CSMD1: variants seen among roughly 807,000 people sequenced by gnomAD.
The protein encoded by CSMD1 is CUB and Sushi multiple domains 1.
CSMD1 carries 213 observed loss-of-function variants against 417.5 expected under a neutral mutation model. That is an observed-to-expected ratio of 0.51 (90% CI 0.46 to 0.57). The LOEUF is 0.57. Ranked by LOEUF, CSMD1 falls within the 20% of genes least tolerant of loss-of-function variation. The pLI is 0.00. For missense variants in CSMD1, 6,923 were observed against 4,529.7 expected, an observed-to-expected ratio of 1.53 and a Z score of -15.17; for synonymous variants, 2,862 against 1,736.8, an observed-to-expected ratio of 1.65 and a Z score of -16.11.
At chr8:4,461,874 C>A (rs935277817) in intron 2 of CSMD1, among the ~76,000 whole-genome samples, 1 of 151,288 alleles carries the variant, frequency 6.6e-6, no homozygotes, top group African/African-American at 2.4e-5. Context: ...CCGAGTAGCT[C>A]GGACTACAGG....
At chr8:3,699,957 A>T (rs184760774) in intron 7 of CSMD1, among the ~76,000 whole-genome samples, 37 of 127,312 alleles carry the variant, frequency 2.9e-4, no homozygotes, top group Admixed American at 2.5e-3. Flanking sequence ...GTTATATCCC[A>T]TAACTACATC....
chr8:3,699,285 A>C (rs891164224), intron 7 of CSMD1, among the ~76,000 whole-genome samples: 1 of 152,194 alleles, frequency 6.6e-6, no homozygotes, highest in Non-Finnish European at 1.5e-5. Flanking sequence ...AATTTCTCAT[A>C]ATTTTCCTGT....
At chr8:4,344,839 T>A (rs982948299) in intron 3 of CSMD1, among the ~76,000 whole-genome samples, 4 of 152,162 alleles carry the variant, frequency 2.6e-5, no homozygotes, top group East Asian at 3.9e-4. Flanking sequence ...AAAAAGGATC[T>A]TTGAGAACCT....
At chr8:3,547,447 C>T (rs10105051) in intron 10 of CSMD1, among the ~76,000 whole-genome samples, 5 of 151,928 alleles carry the variant, frequency 3.3e-5, no homozygotes, top group Admixed American at 6.5e-5. Flanking sequence ...GATGTATAAA[C>T]GGATCAGTAG....
At chr8:3,198,506 T>C (rs1796821160) in intron 33 of CSMD1, among the ~76,000 whole-genome samples, 1 of 152,220 alleles carries the variant, frequency 6.6e-6, no homozygotes, top group South Asian at 2.1e-4. Flanking sequence ...GTGTAACTTA[T>C]AACAATGTAA....
chr8:3,475,006 G>A (rs1332858283), intron 11 of CSMD1, among the ~76,000 whole-genome samples: 1 of 152,014 alleles, frequency 6.6e-6, no homozygotes, highest in Non-Finnish European at 1.5e-5. Flanking sequence ...CATCTCCCAG[G>A]CGTGTTCAGC....
rs1217022965 is a variant in CSMD1, at chr8:4,395,895, ATATAAG to A, written c.415+24052_415+24057del. Among the ~76,000 whole-genome samples the A allele has an allele frequency of 6.4e-4, 97 of 152,354 alleles. 1 individual carries two copies. The highest frequency in any genetic ancestry group is 2.1e-3 in the African/African-American group (88 of 41,590). On this transcript the variant is annotated intron_variant, in intron 3 of 69. Transcript: ENST00000635120. ...AATTCGGTAGTGTATCTAGAAACAC[ATATAAG>A]TGTAATTGTAAGTCTGACAGTTTTT...
chr8:4,715,475 A>G (rs1254678772), intron 1 of CSMD1, among the ~76,000 whole-genome samples: 1 of 152,164 alleles, frequency 6.6e-6, no homozygotes, highest in Non-Finnish European at 1.5e-5. Flanking sequence ...CAGCTTAAAT[A>G]CCACATATAA....
chr8:3,226,831 G>C (rs1055425642), intron 27 of CSMD1, among the ~76,000 whole-genome samples: 1 of 151,904 alleles, frequency 6.6e-6, no homozygotes, highest in South Asian at 2.1e-4. Flanking sequence ...GGGAAAGAAA[G>C]AGAGAGAGCC....
intron 3 of CSMD1, among the ~76,000 whole-genome samples, chr8:4,415,083 T>C (rs1333316651): frequency 6.6e-6 from 1 of 152,230 alleles, no homozygotes. Flanking sequence ...TTGCAAAGGA[T>C]CTCACGGAGT....
Position 4,787,445 on chromosome 8 carries a change from G to C in CSMD1, c.86-149887C>G, listed in dbSNP as rs146960463. ...GGACAAGATTACAGCAGGAAATGTA[G>C]CTAGAAAGAATCACCTGGAAGGAAA... On this transcript the variant is annotated intron_variant, in intron 1 of 69. Transcript: ENST00000635120. 2.9e-4 allele frequency: 223 copies of C among 767,182 alleles called. No homozygotes were observed. The African/African-American group carries it at 3.6e-3, about 12-fold the overall frequency. 47.5% of individuals were successfully genotyped at this position (767,182 alleles called of 1,614,324 possible).
At chr8:4,661,797 A>T (rs540684745) in intron 1 of CSMD1, among the ~76,000 whole-genome samples, 3 of 152,300 alleles carry the variant, frequency 2.0e-5, no homozygotes, top group Admixed American at 1.3e-4. Flanking sequence ...ATATCCAAAA[A>T]ACGGTTAGCA....
At chr8:4,325,462 G>C (rs919117771) in intron 3 of CSMD1, among the ~76,000 whole-genome samples, 2 of 152,090 alleles carry the variant, frequency 1.3e-5, no homozygotes, top group East Asian at 1.9e-4. Flanking sequence ...TGTAAGAATC[G>C]TCTACTTTCA....
intron 2 of CSMD1, among the ~76,000 whole-genome samples, chr8:4,542,036 C>G (rs1360735963): frequency 6.6e-6 from 1 of 152,104 alleles, no homozygotes; most frequent in African/African-American, 2.4e-5. Flanking sequence ...AATGTGGTCC[C>G]AGAGCCTGAA....
intron 3 of CSMD1, among the ~76,000 whole-genome samples, chr8:4,196,661 A>C (rs996433450): frequency 2.0e-5 from 3 of 152,186 alleles, no homozygotes; most frequent in African/African-American, 7.2e-5. Flanking sequence ...TTTGTGACCC[A>C]TTCTTCTGCC....
chr8:4,219,967 T>G (rs77073340), intron 3 of CSMD1, among the ~76,000 whole-genome samples: 1 of 152,162 alleles, frequency 6.6e-6, no homozygotes, highest in Non-Finnish European at 1.5e-5. Flanking sequence ...GCTTTTTTTT[T>G]GAAATGGAGT....
At chr8:3,389,352 G>A (rs952044035) in intron 17 of CSMD1, among the ~76,000 whole-genome samples, 3 of 152,082 alleles carry the variant, frequency 2.0e-5, no homozygotes, top group Non-Finnish European at 4.4e-5. Flanking sequence ...CCACTTATAA[G>A]TGAGAACATG....
chr8:2,985,546 A>C (rs1805819546), intron 54 of CSMD1, among the ~76,000 whole-genome samples: 1 of 152,256 alleles, frequency 6.6e-6, no homozygotes. Context: ...ATGCATAGGC[A>C]ATATATAGGC....
chr8:4,209,808 C>G (rs1398827031), intron 3 of CSMD1, among the ~76,000 whole-genome samples: 1 of 152,178 alleles, frequency 6.6e-6, no homozygotes, highest in Non-Finnish European at 1.5e-5. Flanking sequence ...GTTCTACACT[C>G]ATATTTATAT....
Sources: gnomAD v4.1 joint callset for allele counts (sites outside exome capture counted in the v4.1 genomes callset) on GRCh38, gnomAD v4.1.1 for gene constraint, MANE v1.5 for transcripts, NCBI Gene and HGNC (gene_info 2026-07-23, HGNC 2026-07-21) for gene names.